Variants in PPARGC1A observed in about 807,000 individuals in gnomAD.
The protein encoded by PPARGC1A is peroxisome proliferator-activated receptor gamma coactivator 1-alpha.
A neutral mutation model predicts 88.7 loss-of-function variants in PPARGC1A; 25 were observed. The observed-to-expected ratio is 0.28, with a 90% CI of 0.21 to 0.39. The LOEUF is 0.39. Among genes scored for constraint, PPARGC1A ranks in the 10% least tolerant of loss-of-function variants. The probability of loss-of-function intolerance (pLI) is 1.00; values close to 1 mark genes in which losing one functional copy is unlikely to be tolerated. For missense variants in PPARGC1A, 880 were observed against 968.7 expected, an observed-to-expected ratio of 0.91 and a Z score of 1.22; for synonymous variants, 363 against 355.6, an observed-to-expected ratio of 1.02 and a Z score of -0.24.
intron 10 of PPARGC1A, among the ~76,000 whole-genome samples, chr4:23,809,451 C>T (rs918425663): frequency 6.6e-6 from 1 of 152,080 alleles, no homozygotes; most frequent in Non-Finnish European, 1.5e-5. Context: ...TCTCAGTGTT[C>T]CAATTAAACG....
At chr4:24,040,511 G>C in the PPARGC1A span, among the ~76,000 whole-genome samples, 1 of 152,002 alleles carries the variant, frequency 6.6e-6, no homozygotes, top group Non-Finnish European at 1.5e-5. Context: ...GAGAGCGTGT[G>C]GCACAAGCTC....
the PPARGC1A span, among the ~76,000 whole-genome samples, chr4:24,348,128 T>A: frequency 6.6e-6 from 1 of 152,222 alleles, no homozygotes. Flanking sequence ...AGGCTGAAGA[T>A]AGGTCCCCAA....
chr4:24,266,433 T>G, the PPARGC1A span, among the ~76,000 whole-genome samples: 4 of 152,130 alleles, frequency 2.6e-5, no homozygotes, highest in Non-Finnish European at 4.4e-5. Flanking sequence ...CATTCATTCA[T>G]TCAGTCAGTC....
chr4:24,429,663 T>C, the PPARGC1A span, among the ~76,000 whole-genome samples: 1 of 149,390 alleles, frequency 6.7e-6, no homozygotes, highest in Admixed American at 6.8e-5. Flanking sequence ...TTTTTTTTTT[T>C]TTTTTTTTGA....
chr4:23,850,297 C>T (rs1333936785), intron 2 of PPARGC1A, among the ~76,000 whole-genome samples: 3 of 152,160 alleles, frequency 2.0e-5, no homozygotes, highest in African/African-American at 4.8e-5. Context: ...CCAAGATCAT[C>T]TTTGGGAGCT....
At chr4:23,802,844 A>G (rs185932791) in intron 10 of PPARGC1A, among the ~76,000 whole-genome samples, 1 of 152,180 alleles carries the variant, frequency 6.6e-6, no homozygotes, top group East Asian at 1.9e-4. Context: ...TTCAGTATCA[A>G]TCTCTTCTTG....
chr4:24,408,902 T>C, the PPARGC1A span, among the ~76,000 whole-genome samples: 1 of 152,218 alleles, frequency 6.6e-6, no homozygotes, highest in African/African-American at 2.4e-5. Flanking sequence ...AGGTAATTTG[T>C]TATGCAGAAA....
At position 23,884,756 on chromosome 4, in the gene PPARGC1A, A is replaced by T; in HGVS notation, c.230T>A (p.Phe77Tyr). 1 of 1,608,642 alleles carries T rather than the reference A, an allele frequency of 6.2e-7. No homozygotes were observed. Among genetic ancestry groups the T allele is most frequent in the South Asian group, 1.1e-5 (1 of 89,974 alleles). The change falls in exon 2 of 13, where the codon TTT (phenylalanine) becomes TAT (tyrosine). Residue 77 changes from phenylalanine to tyrosine, a missense_variant. By Grantham distance (22) the Phe-to-Tyr change is conservative (BLOSUM62 3). Coordinates refer to ENST00000264867, the MANE Select transcript of PPARGC1A (RefSeq NM_013261.5). ...GTTTCCAAAGGATGTCCTTACCTCA[A>T]ATATGTTTGAAGGCTCATTGTTGTA... ...NQYNNEPSNI[F>Y]EKIDEENEAN...
intron 2 of PPARGC1A, among the ~76,000 whole-genome samples, chr4:23,832,943 C>A (rs1725312421): frequency 6.6e-6 from 1 of 152,066 alleles, no homozygotes; most frequent in South Asian, 2.1e-4. Flanking sequence ...GTGGCTCCTG[C>A]AAATATATTC....
the PPARGC1A span, among the ~76,000 whole-genome samples, chr4:24,459,573 T>C: frequency 6.6e-6 from 1 of 152,104 alleles, no homozygotes; most frequent in South Asian, 2.1e-4. Flanking sequence ...GGCAATAGCT[T>C]GAGCTCAGGA....
chr4:24,470,968 G>T, the PPARGC1A span, among the ~76,000 whole-genome samples: 2 of 151,656 alleles, frequency 1.3e-5, no homozygotes, highest in Non-Finnish European at 2.9e-5. The surrounding 1 kb of genome is among the most constrained non-coding windows in gnomAD (Gnocchi z 5.8). Context: ...TGCTTTCGGG[G>T]TTTGTCTTCT....
the PPARGC1A span, among the ~76,000 whole-genome samples, chr4:24,195,494 G>A: frequency 6.6e-6 from 1 of 152,108 alleles, no homozygotes; most frequent in Non-Finnish European, 1.5e-5. Context: ...AGTCCACATA[G>A]CTCAAAGTAA....
At chr4:24,046,514 T>G in the PPARGC1A span, among the ~76,000 whole-genome samples, 1 of 152,102 alleles carries the variant, frequency 6.6e-6, no homozygotes, top group African/African-American at 2.4e-5. Flanking sequence ...ATCCTTCTTC[T>G]ACCAGACTGA....
chr4:24,050,278 C>A, the PPARGC1A span, among the ~76,000 whole-genome samples: 1 of 142,914 alleles, frequency 7.0e-6, no homozygotes, highest in Non-Finnish European at 1.5e-5. Flanking sequence ...TCACTGCAAC[C>A]TCTGCCTCCC....
the PPARGC1A span, among the ~76,000 whole-genome samples, chr4:24,017,592 G>T: frequency 6.6e-6 from 1 of 152,046 alleles, no homozygotes; most frequent in East Asian, 1.9e-4. Context: ...AGGCAGAAAT[G>T]GGTGTCTCAG....
At chr4:24,277,884 G>A in the PPARGC1A span, among the ~76,000 whole-genome samples, 5 of 152,058 alleles carry the variant, frequency 3.3e-5, no homozygotes, top group Admixed American at 6.6e-5. Flanking sequence ...CTAAAAGAAG[G>A]ATAATAAGGG....
Position 23,792,394 on chromosome 4 carries a change from C to CAAGA in PPARGC1A, c.*3424_*3427dup, listed in dbSNP as rs1334650264. On this transcript the variant is annotated 3_prime_UTR_variant, in exon 13 of 13. Coordinates refer to ENST00000264867, the MANE Select transcript of PPARGC1A (RefSeq NM_013261.5). ...TGATTGAAGTTCTCATTACAGCCAT[C>CAAGA]AAGAAAGGACACATAATCATTACCT... 1 of 152,546 alleles carries CAAGA rather than the reference C, an allele frequency of 6.6e-6. No homozygotes were observed. The highest frequency in any genetic ancestry group is 2.4e-5 in the African/African-American group (1 of 41,412). 9.4% of individuals were successfully genotyped at this position (152,546 alleles called of 1,614,324 possible). A position where few individuals can be genotyped will look rare whatever the true frequency, so the allele number is the denominator to read the frequency against.
chr4:23,832,886 C>T (rs549171179), intron 2 of PPARGC1A, among the ~76,000 whole-genome samples: 71 of 140,840 alleles, frequency 5.0e-4, no homozygotes, highest in African/African-American at 1.8e-3. Context: ...CTGGGATTAC[C>T]GGCGTGAGCT....
At chr4:23,796,500 C>T (rs1296200459) in intron 12 of PPARGC1A, among the ~76,000 whole-genome samples, 1 of 152,080 alleles carries the variant, frequency 6.6e-6, no homozygotes, top group South Asian at 2.1e-4. Context: ...TGCTTCACAT[C>T]CCAGGAGAGT....
Sources: allele counts gnomAD v4.1 joint callset (sites outside exome capture counted in the v4.1 genomes callset), GRCh38; gene constraint gnomAD v4.1.1; non-coding constraint Gnocchi (gnomAD v3.1); transcripts MANE v1.5; gene names NCBI Gene and HGNC (gene_info 2026-07-23, HGNC 2026-07-21).